CCDC66: variants seen among roughly 807,000 people sequenced by gnomAD.
The protein encoded by CCDC66 is coiled-coil domain-containing protein 66.
Under a neutral mutation model 128.3 loss-of-function variants are expected in CCDC66, and 133 were observed. The observed-to-expected ratio is 1.04, with a 90% CI of 0.90 to 1.20. The LOEUF is 1.20. Among genes scored for constraint, CCDC66 ranks in the 50% most tolerant of loss-of-function variants. The pLI is 0.00. For synonymous variants in CCDC66, 387 were observed against 357.0 expected (o/e 1.08, Z -0.95); for missense variants, 1,126 against 1,075.5 (o/e 1.05, Z -0.66).
At position 56,618,331 on chromosome 3, in the gene CCDC66, G is replaced by C. The variant is rs79249782; in HGVS notation, c.2378+119G>C. On this transcript the variant is annotated intron_variant, in intron 15 of 17. Transcript: ENST00000394672. The stretch of plus-strand genomic sequence containing the variant: ...TGTAGAGAACAATCAGAAAGGGTGT[G>C]GCTTCCAGGTGAGGGTTAGAGGTTT... 6.6e-4 allele frequency: 609 copies of C among 918,560 alleles called. 8 individuals carry two copies. The East Asian group carries it at 0.014, about 21-fold the overall frequency. 56.9% of individuals were successfully genotyped at this position (918,560 alleles called of 1,614,324 possible). A position where few individuals can be genotyped will look rare whatever the true frequency, so the allele number is the denominator to read the frequency against.
chr3:56,588,189 A>G (rs2070162342), intron 7 of CCDC66, among the ~76,000 whole-genome samples: 7 of 152,226 alleles, frequency 4.6e-5, no homozygotes, highest in Admixed American at 4.6e-4. Flanking sequence ...ATTTTAAGTG[A>G]AGTAACTCAG....
rs148949812 is a variant in CCDC66 at position 56,566,662 on chromosome 3, A to G, written c.613A>G (p.Lys205Glu). ...PKDENIMGLF[K>E]KTEMVSSVPA... ...GGATGAGAACATTATGGGATTATTC[A>G]AAAAAACTGAAATGGTTTCATCTGT... Residue 205 changes from lysine (K) to glutamate (E), a missense_variant, in exon 5 of 18, where the codon AAA (lysine) becomes GAA (glutamate). Physicochemically the swap from Lys to Glu is moderately conservative, Grantham distance 56. Transcript: ENST00000394672. 5.0e-6 allele frequency: 8 copies of G among 1,608,628 alleles called. No individual in the cohort carries two copies. The Admixed American group carries it at 1.3e-4, about 27-fold the overall frequency.
chr3:56,569,123 A>G (rs1008427157), intron 6 of CCDC66, among the ~76,000 whole-genome samples: 1 of 152,178 alleles, frequency 6.6e-6, no homozygotes, highest in Non-Finnish European at 1.5e-5. Flanking sequence ...GGATTGCTTG[A>G]GGCCAGGGGT....
intron 10 of CCDC66, among the ~76,000 whole-genome samples, chr3:56,611,543 G>A (rs1263871844): frequency 6.6e-6 from 1 of 151,228 alleles, no homozygotes; most frequent in Non-Finnish European, 1.5e-5. Flanking sequence ...TGTGGAGTCT[G>A]CAAGCCCAAT....
In CCDC66 at chr3:56,563,991, A is replaced by G. The variant is rs142753279; in HGVS notation, c.410A>G (p.Lys137Arg). 3.1e-6 allele frequency: 5 copies of G among 1,613,950 alleles called. No individual in the cohort carries two copies. In the African/African-American group the frequency reaches 5.3e-5, roughly 17 times the overall value. Residue 137 changes from lysine (K) to arginine (R), a missense_variant, in exon 4 of 18, where the codon AAA becomes AGA. Physicochemically the swap from Lys to Arg is conservative, Grantham distance 26 (BLOSUM62 2). Coordinates refer to ENST00000394672, the MANE Select transcript of CCDC66 (RefSeq NM_001141947.3). ...CTAGTAGGTAAACAGAAGCCTCACA[A>G]AAAACACATCACAGCTGAAAACATG... The part of the protein sequence containing the change: ...TSLVGKQKPH[K>R]KHITAENMKS...
At chr3:56,595,337 A>T (rs994433042) in intron 10 of CCDC66, among the ~76,000 whole-genome samples, 2 of 152,084 alleles carry the variant, frequency 1.3e-5, no homozygotes, top group Non-Finnish European at 2.9e-5. Flanking sequence ...ATTAGAACTT[A>T]TTCCTTTCAT....
chr3:56,575,993 T>A (rs2067304984), intron 7 of CCDC66, among the ~76,000 whole-genome samples: 1 of 151,786 alleles, frequency 6.6e-6, no homozygotes, highest in African/African-American at 2.4e-5. Flanking sequence ...TTTTTAAGAT[T>A]GTTTTGTCTA....
intron 2 of CCDC66, 145 bp downstream of exon 2, chr3:56,559,055 T>G: frequency 1.6e-6 from 1 of 634,120 alleles, no homozygotes; most frequent in South Asian, 2.1e-5. Flanking sequence ...TCTGCAGATT[T>G]CCTTCTAGCC....
chr3:56,592,931 A>G, intron 7 of CCDC66, 39 bp from the exon 8 acceptor site: 1 of 1,592,876 alleles, frequency 6.3e-7, no homozygotes, highest in Non-Finnish European at 8.5e-7. Context: ...TTAGAAAAAG[A>G]GAACTGAACT....
At chr3:56,577,265 A>G (rs1456802197) in intron 7 of CCDC66, among the ~76,000 whole-genome samples, 2 of 151,070 alleles carry the variant, frequency 1.3e-5, no homozygotes, top group Non-Finnish European at 2.9e-5. Context: ...TTTTTGATGG[A>G]GTTGTTTGAT....
intron 5 of CCDC66, 67 bp downstream of exon 5, chr3:56,566,826 T>G: frequency 6.6e-7 from 1 of 1,523,264 alleles, no homozygotes. Flanking sequence ...TTTCCTTTAC[T>G]TGCATGTGAA....
At chr3:56,559,116 T>C (rs559259956) in intron 2 of CCDC66, among the ~76,000 whole-genome samples, 1 of 152,304 alleles carries the variant, frequency 6.6e-6, no homozygotes, top group African/African-American at 2.4e-5. Flanking sequence ...TTCAGACTCA[T>C]AACATTTAAT....
At chr3:56,610,790 C>A (rs1481723583) in intron 10 of CCDC66, among the ~76,000 whole-genome samples, 1 of 152,168 alleles carries the variant, frequency 6.6e-6, no homozygotes, top group African/African-American at 2.4e-5. Context: ...TCCCCCTTTT[C>A]CTGTGGATGT....
At chr3:56,579,399 C>G (rs2067943897) in intron 7 of CCDC66, among the ~76,000 whole-genome samples, 1 of 151,654 alleles carries the variant, frequency 6.6e-6, no homozygotes, top group Non-Finnish European at 1.5e-5. Flanking sequence ...TTTTTTGTGT[C>G]TCTATCTCCT....
At chr3:56,565,719 T>A (rs928551497) in intron 4 of CCDC66, among the ~76,000 whole-genome samples, 1 of 151,548 alleles carries the variant, frequency 6.6e-6, no homozygotes, top group Non-Finnish European at 1.5e-5. Flanking sequence ...CAGGCTGGAG[T>A]GCAGTGGTGC....
rs1039109236 is a variant in CCDC66, at chr3:56,585,020, G to A, written c.937-7950G>A. 5.9e-5 allele frequency among the ~76,000 whole-genome samples: 9 copies of A among 151,722 alleles called. 1 individual carries two copies. Among genetic ancestry groups the A allele is most frequent in the Admixed American group, 1.3e-4 (2 of 15,100 alleles). ...GGCGGGAGAATCAGGCAGGGAGGTT[G>A]CAGTGAGCCGAGATGGCAGCAGTAC... On this transcript the variant is annotated intron_variant, in intron 7 of 17. Coordinates refer to ENST00000394672, the MANE Select transcript of CCDC66 (RefSeq NM_001141947.3).
Position 56,577,511 on chromosome 3 carries a change from T to A in CCDC66, c.936+6209T>A, listed in dbSNP as rs141003913. ...TTGTCCATGATGTCCTGAATGATAT[T>A]GCCTAGGTTTACTTCTAGGGTTTTT... is the stretch of plus-strand genomic sequence containing the variant. On this transcript the variant is annotated intron_variant, in intron 7 of 17. Coordinates refer to ENST00000394672, the MANE Select transcript of CCDC66 (RefSeq NM_001141947.3). Among the ~76,000 whole-genome samples the A allele has an allele frequency of 1.1e-3, 165 of 152,006 alleles. 1 individual carries two copies. Among genetic ancestry groups the A allele is most frequent in the Non-Finnish European group, 2.1e-3 (145 of 68,008 alleles).
chr3:56,569,179 A>C (rs2066287950), intron 6 of CCDC66: 1 of 162,788 alleles, frequency 6.1e-6, no homozygotes, highest in African/African-American at 2.4e-5. Context: ...CTATCTCTAC[A>C]AAAAAACAGA....
chr3:56,612,852 T>C (rs1577983264), intron 10 of CCDC66, among the ~76,000 whole-genome samples: 2 of 152,178 alleles, frequency 1.3e-5, no homozygotes, highest in East Asian at 3.9e-4. Flanking sequence ...GCAGCAAGGC[T>C]GGGCAGACCT....
Sources: allele counts gnomAD v4.1 joint callset (sites outside exome capture counted in the v4.1 genomes callset), GRCh38; gene constraint gnomAD v4.1.1; transcripts MANE v1.5; gene names NCBI Gene and HGNC (gene_info 2026-07-23, HGNC 2026-07-21).